The following TENM1 variants were observed in gnomAD, a reference collection of about 807,000 sequenced individuals.
TENM1 encodes teneurin transmembrane protein 1.
In TENM1, 35 loss-of-function variants were observed where a neutral mutation model predicts 174.8. The observed-to-expected ratio is 0.20, with a 90% CI of 0.15 to 0.27. TENM1 has a LOEUF of 0.27. TENM1 is among the 10% of genes least tolerant of loss of function. The pLI is 1.00. For missense variants in TENM1, 1,633 were observed against 2,130.1 expected, an observed-to-expected ratio of 0.77 and a Z score of 4.59; for synonymous variants, 781 against 798.7, an observed-to-expected ratio of 0.98 and a Z score of 0.37.
chrX:125,038,496 T>C, the TENM1 span, among the ~76,000 whole-genome samples: 1 of 111,475 alleles, frequency 9.0e-6, no homozygotes, highest in Non-Finnish European at 1.9e-5. Flanking sequence ...AACCACCTTA[T>C]TGGTTATGAA....
chrX:125,126,064 A>G, the TENM1 span, among the ~76,000 whole-genome samples: 2 of 112,121 alleles, frequency 1.8e-5, no homozygotes, highest in African/African-American at 6.5e-5. Flanking sequence ...AATGCACACT[A>G]AGCCTTTGGA....
the TENM1 span, among the ~76,000 whole-genome samples, chrX:125,105,148 G>C: frequency 9.0e-6 from 1 of 111,421 alleles, no homozygotes; most frequent in African/African-American, 3.3e-5. Context: ...TGGAAAGCAC[G>C]GTACAAACCG....
chrX:124,874,933 G>T (rs887592363), intron 3 of TENM1, among the ~76,000 whole-genome samples: 7 of 111,119 alleles, frequency 6.3e-5, no homozygotes, highest in African/African-American at 2.3e-4. Flanking sequence ...TATTTACAAT[G>T]AACTTAAATA....
At chrX:124,750,368 C>T (rs1427868372) in intron 3 of TENM1, among the ~76,000 whole-genome samples, 1 of 111,099 alleles carries the variant, frequency 9.0e-6, no homozygotes, top group Non-Finnish European at 1.9e-5. Flanking sequence ...TTTTATAACC[C>T]AAATGAAATA....
chrX:124,664,248 C>T (rs761518778), intron 6 of TENM1, among the ~76,000 whole-genome samples: 90 of 111,156 alleles, frequency 8.1e-4, no homozygotes, highest in African/African-American at 2.7e-3. Context: ...TATGGGTTGA[C>T]TCAAAGGGCT....
the TENM1 span, among the ~76,000 whole-genome samples, chrX:125,185,850 T>C: frequency 8.9e-6 from 1 of 112,134 alleles, no homozygotes; most frequent in South Asian, 3.7e-4. Flanking sequence ...AGAACATTCA[T>C]TGTGCAATTC....
At chrX:124,630,739 T>C (rs1243217273) in intron 11 of TENM1, among the ~76,000 whole-genome samples, 3 of 110,135 alleles carry the variant, frequency 2.7e-5, no homozygotes, top group Non-Finnish European at 5.7e-5. Context: ...GGGATATATA[T>C]TGGGATATAT....
At chrX:125,032,588 T>C in the TENM1 span, among the ~76,000 whole-genome samples, 1 of 111,447 alleles carries the variant, frequency 9.0e-6, no homozygotes, top group Non-Finnish European at 1.9e-5. Context: ...CTGTCTACAG[T>C]CTTGCTTACT....
chrX:124,590,702 G>T (rs1031751948), intron 11 of TENM1, among the ~76,000 whole-genome samples: 14 of 112,019 alleles, frequency 1.2e-4, no homozygotes, highest in Non-Finnish European at 2.3e-4. Flanking sequence ...TGAGAAGAAT[G>T]AATTTTGTGT....
chrX:124,759,322 T>TA (rs1305243673), intron 3 of TENM1, among the ~76,000 whole-genome samples: 4 of 109,591 alleles, frequency 3.6e-5, no homozygotes, highest in Non-Finnish European at 5.7e-5. Context: ...AATAGTTTTT[T>TA]AAAAAAAAAA....
exon 18 of TENM1, chrX:124,520,666 A>G: frequency 8.3e-7 from 1 of 1,210,844 alleles, no homozygotes; most frequent in Non-Finnish European, 1.1e-6. Flanking sequence ...TATCATGCCT[A>G]CAGGAATCGT....
intron 3 of TENM1, among the ~76,000 whole-genome samples, chrX:124,762,472 C>T (rs1325260243): frequency 8.9e-6 from 1 of 112,171 alleles, no homozygotes; most frequent in African/African-American, 3.2e-5. Context: ...TTGCATCTTA[C>T]ACTATATAGC....
At chrX:124,898,282 C>T (rs2057597625) in intron 1 of TENM1, among the ~76,000 whole-genome samples, 1 of 111,295 alleles carries the variant, frequency 9.0e-6, no homozygotes, top group African/African-American at 3.3e-5. Flanking sequence ...AGGGATCATA[C>T]TTTGAAATCG....
the TENM1 span, among the ~76,000 whole-genome samples, chrX:125,050,712 T>A: frequency 2.7e-5 from 3 of 111,370 alleles, no homozygotes; most frequent in Admixed American, 9.5e-5. Flanking sequence ...GTATTTCTAG[T>A]TCTAGATCCC....
At chrX:124,986,419 T>G in the TENM1 span, among the ~76,000 whole-genome samples, 1 of 111,971 alleles carries the variant, frequency 8.9e-6, no homozygotes. Flanking sequence ...TAGGTAATCA[T>G]AGAACACTCT....
intron 22 of TENM1, among the ~76,000 whole-genome samples, chrX:124,461,094 T>A (rs1213375831): frequency 8.9e-6 from 1 of 112,410 alleles, no homozygotes; most frequent in Non-Finnish European, 1.9e-5. Context: ...CTGATGAGTT[T>A]CAAGAAAGTA....
intron 11 of TENM1, among the ~76,000 whole-genome samples, chrX:124,623,275 G>A (rs147897986): frequency 1.3e-3 from 148 of 111,045 alleles, no homozygotes; most frequent in African/African-American, 4.7e-3. Flanking sequence ...ATATGTGTGA[G>A]TGTGCAAGAG....
chrX:125,140,651 C>T, the TENM1 span, among the ~76,000 whole-genome samples: 1 of 112,036 alleles, frequency 8.9e-6, no homozygotes, highest in African/African-American at 3.2e-5. Context: ...TTATGGATAT[C>T]CTAAGTACCC....
intron 11 of TENM1, among the ~76,000 whole-genome samples, chrX:124,602,619 G>A (rs1253048252): frequency 2.7e-5 from 3 of 110,466 alleles, no homozygotes; most frequent in Non-Finnish European, 5.7e-5. Flanking sequence ...TGAGGGACAA[G>A]GACAGAAGAG....
Sources: allele counts gnomAD v4.1 joint callset (sites outside exome capture counted in the v4.1 genomes callset), GRCh38; gene constraint gnomAD v4.1.1; transcripts MANE v1.5; gene names NCBI Gene and HGNC (gene_info 2026-07-23, HGNC 2026-07-21).